Variants in CGAS observed in about 807,000 individuals in gnomAD.
CGAS encodes cyclic GMP-AMP synthase.
A neutral mutation model predicts 34.0 loss-of-function variants in CGAS; 31 were observed. The observed-to-expected ratio is 0.91, with a 90% CI of 0.69 to 1.23. CGAS has a LOEUF of 1.23. Ranked by LOEUF, CGAS falls within the 50% of genes most tolerant of loss-of-function variation. CGAS has a pLI of 0.00. For synonymous variants in CGAS, 266 were observed against 260.0 expected (o/e 1.02, Z -0.22); for missense variants, 597 against 657.6 (o/e 0.91, Z 1.01).
At chr6:73,444,059 G>A (rs1257686739) in intron 2 of CGAS, among the ~76,000 whole-genome samples, 1 of 152,116 alleles carries the variant, frequency 6.6e-6, no homozygotes, top group Middle Eastern at 3.4e-3. Flanking sequence ...GCACGATCTC[G>A]GCTCACTGCA....
At position 73,451,660 on chromosome 6, in the gene CGAS, G is replaced by A; in HGVS notation, c.522C>T (p.Leu174=). 1 of 1,614,114 alleles carries A rather than the reference G, an allele frequency of 6.2e-7. No individual in the cohort carries two copies. Among genetic ancestry groups the A allele is most frequent in the Non-Finnish European group, 8.5e-7 (1 of 1,180,026 alleles). ...KLRAVLEKLK[L]SRDDISTAAG... ...CCGCCGTGGAGATATCATCGCGGCT[G>A]AGCTTCAACTTCTCCAAAACCGCCC... The change falls in exon 1 of 5, where the codon CTC becomes CTT. Residue 174 remains leucine (L), a synonymous_variant. Coordinates refer to ENST00000370315, the MANE Select transcript of CGAS (RefSeq NM_138441.3).
At chr6:73,442,657 G>A (rs1438672598) in intron 2 of CGAS, among the ~76,000 whole-genome samples, 1 of 144,834 alleles carries the variant, frequency 6.9e-6, no homozygotes, top group Non-Finnish European at 1.5e-5. Context: ...GGAGTGCAGT[G>A]GCGCAATCTC....
chr6:73,443,026 T>C (rs1304734045), intron 2 of CGAS, among the ~76,000 whole-genome samples: 1 of 151,788 alleles, frequency 6.6e-6, no homozygotes, highest in Non-Finnish European at 1.5e-5. Flanking sequence ...CAGACAGAAC[T>C]TTCTAGAGTG....
chr6:73,428,891 T>G (rs1051989130), intron 3 of CGAS, 80 bp from the exon 4 acceptor site: 11 of 1,283,360 alleles, frequency 8.6e-6, no homozygotes, highest in Admixed American at 2.1e-5. Flanking sequence ...GTTTCCCTCA[T>G]GAAAATATCC....
Position 73,440,223 on chromosome 6 carries a change from C to T in CGAS, c.1100G>A (p.Gly367Glu), listed in dbSNP as rs764731227. The T allele has an allele frequency of 6.2e-7, 1 of 1,611,180 alleles. No homozygotes were observed. The highest frequency in any genetic ancestry group is 1.7e-5 in the Admixed American group (1 of 59,514). Residue 367 changes from glycine (G) to glutamate (E), a missense_variant, in exon 3 of 5, where the codon GGA (glycine) becomes GAA (glutamate). Gly to Glu is a moderately conservative substitution (Grantham distance 98, BLOSUM62 -2). Transcript: ENST00000370315. ...FYLVPKHAKE[G>E]NGFQEETWRL... ...ATTTAAAATACCTTGGAAACCATTT[C>T]CTTCCTTTGCATGCTTGGGTACAAG...
chr6:73,432,020 G>A (rs1770202660), intron 3 of CGAS, among the ~76,000 whole-genome samples: 1 of 151,896 alleles, frequency 6.6e-6, no homozygotes, highest in African/African-American at 2.4e-5. Context: ...TGTAGAGACG[G>A]GGTCTCTCCA....
intron 3 of CGAS, among the ~76,000 whole-genome samples, chr6:73,429,212 A>G (rs1043064268): frequency 6.6e-6 from 1 of 151,952 alleles, no homozygotes; most frequent in Non-Finnish European, 1.5e-5. Context: ...GAAAGAAAGA[A>G]AAAGAAAATA....
intron 3 of CGAS, among the ~76,000 whole-genome samples, chr6:73,431,950 C>T (rs562213917): frequency 4.3e-4 from 65 of 151,982 alleles, no homozygotes; most frequent in Non-Finnish European, 7.8e-4. Context: ...TCATGTTAGC[C>T]GTTCCAATAG....
chr6:73,429,652 CTG>C (rs1386652718), intron 3 of CGAS, among the ~76,000 whole-genome samples: 15 of 110,276 alleles, frequency 1.4e-4, no homozygotes, highest in South Asian at 3.3e-4. Flanking sequence ...CAGTGAAACC[CTG>C]CCTCTACCAA....
At chr6:73,435,756 T>C (rs1347682179) in intron 3 of CGAS, among the ~76,000 whole-genome samples, 1 of 139,886 alleles carries the variant, frequency 7.1e-6, no homozygotes, top group African/African-American at 2.7e-5. Context: ...CTGGGCAACA[T>C]AGCAAGACCC....
At chr6:73,445,392 C>T (rs3013726) in intron 2 of CGAS, 136 bp downstream of exon 2, 8,360 of 485,854 alleles carry the variant, frequency 0.017, 102 homozygotes, top group Non-Finnish European at 0.022. Flanking sequence ...ATGTACACTC[C>T]TCTACTGATG....
chr6:73,440,664 G>A (rs369160800), intron 2 of CGAS, among the ~76,000 whole-genome samples: 3 of 152,240 alleles, frequency 2.0e-5, no homozygotes, highest in Admixed American at 1.3e-4. Context: ...CACTTTGGGA[G>A]GCCGAGACAG....
chr6:73,437,911 T>C (rs189200679), intron 3 of CGAS, among the ~76,000 whole-genome samples: 20 of 151,822 alleles, frequency 1.3e-4, no homozygotes, highest in Admixed American at 5.9e-4. Flanking sequence ...CTACTAAAAA[T>C]ACAAAAAATT....
rs1286756801 is a variant in CGAS at position 73,423,830 on chromosome 6, A to G, written c.*1397T>C. 6.6e-6 allele frequency: 1 copy of G among 152,162 alleles called. No individual in the cohort carries two copies. Among genetic ancestry groups the G allele is most frequent in the Non-Finnish European group, 1.5e-5 (1 of 68,036 alleles). The allele number at this position is 152,162 out of a possible 1,614,324, so 9.4% of individuals were successfully genotyped here. The stretch of plus-strand genomic sequence containing the variant: ...CAAAACAAAAAAACCTTGTTTACTA[A>G]AAGACACCAAAAAATGTGCAGACAA... On this transcript the variant is annotated 3_prime_UTR_variant, in exon 5 of 5. Transcript: ENST00000370315.
chr6:73,446,978 C>T (rs1179612223), intron 1 of CGAS, among the ~76,000 whole-genome samples: 2 of 152,104 alleles, frequency 1.3e-5, no homozygotes, highest in Non-Finnish European at 2.9e-5. Context: ...CTTGCTTGAA[C>T]CCGGGAGGCG....
chr6:73,433,503 T>G (rs928001065), intron 3 of CGAS, among the ~76,000 whole-genome samples: 1 of 150,802 alleles, frequency 6.6e-6, no homozygotes, highest in Non-Finnish European at 1.5e-5. Context: ...TTTTAATTTT[T>G]TTTTGAGACG....
chr6:73,447,428 C>T (rs12192004), intron 1 of CGAS, among the ~76,000 whole-genome samples: 5,975 of 151,928 alleles, frequency 0.039, 187 homozygotes, highest in East Asian at 0.19. Context: ...GGAATACAGG[C>T]GCGCACCAAC....
chr6:73,430,159 G>C (rs1247506111), intron 3 of CGAS, among the ~76,000 whole-genome samples: 1 of 151,984 alleles, frequency 6.6e-6, no homozygotes, highest in African/African-American at 2.4e-5. Flanking sequence ...GAGGTAAAAA[G>C]TTGGAGAGAG....
Position 73,424,277 on chromosome 6 carries a change from A to C in CGAS, c.*950T>G, listed in dbSNP as rs1770046945. ...GTGAAACCCCATCTTTACTAAAAAT[A>C]CAAAAAATTAGCCGGATGTGGTGGC... On this transcript the variant is annotated 3_prime_UTR_variant, in exon 5 of 5. Transcript: ENST00000370315. 6.6e-6 allele frequency: 1 copy of C among 152,086 alleles called. No individual in the cohort carries two copies. Among genetic ancestry groups the C allele is most frequent in the African/African-American group, 2.4e-5 (1 of 41,398 alleles). 9.4% of individuals were successfully genotyped at this position (152,086 alleles called of 1,614,324 possible).
Sources: allele counts gnomAD v4.1 joint callset (sites outside exome capture counted in the v4.1 genomes callset), GRCh38; gene constraint gnomAD v4.1.1; transcripts MANE v1.5; gene names NCBI Gene and HGNC (gene_info 2026-07-23, HGNC 2026-07-21).